KCNC2: variants seen among roughly 807,000 people sequenced by gnomAD.
The protein encoded by KCNC2 is voltage-gated potassium channel KCNC2.
In KCNC2, 21 loss-of-function variants were observed where a neutral mutation model predicts 44.5. That is an observed-to-expected ratio of 0.47 (90% CI 0.33 to 0.68). The LOEUF (loss-of-function observed/expected upper bound fraction) is 0.68. KCNC2 is among the 30% of genes least tolerant of loss of function. The pLI is 0.01. For synonymous variants in KCNC2, 391 were observed against 339.1 expected (o/e 1.15, Z -1.68); for missense variants, 589 against 826.2 (o/e 0.71, Z 3.52).
chr12:75,044,153 AC>A (rs1297591622), intron 4 of KCNC2, among the ~76,000 whole-genome samples: 1 of 152,010 alleles, frequency 6.6e-6, no homozygotes, highest in Admixed American at 6.6e-5. Context: ...AATATTACAG[AC>A]AGTTAAACGA....
intron 2 of KCNC2, among the ~76,000 whole-genome samples, chr12:75,110,494 CA>C (rs1887143895): frequency 6.6e-6 from 1 of 152,050 alleles, no homozygotes; most frequent in Admixed American, 6.6e-5. Flanking sequence ...CTGAGAATAT[CA>C]ACCACATGTT....
At chr12:75,183,243 C>A (rs1179765693) in intron 2 of KCNC2, among the ~76,000 whole-genome samples, 1 of 151,876 alleles carries the variant, frequency 6.6e-6, no homozygotes, top group African/African-American at 2.4e-5. Context: ...AATTTTGTTG[C>A]CCCCCAAGCT....
intron 2 of KCNC2, among the ~76,000 whole-genome samples, chr12:75,133,274 A>G (rs1888982533): frequency 1.3e-5 from 2 of 152,128 alleles, no homozygotes; most frequent in South Asian, 2.1e-4. Context: ...CAAAATAGCT[A>G]AAAGATTTGG....
At chr12:75,143,224 G>A (rs995319151) in intron 2 of KCNC2, among the ~76,000 whole-genome samples, 7 of 152,142 alleles carry the variant, frequency 4.6e-5, no homozygotes, top group Non-Finnish European at 7.4e-5. Flanking sequence ...ACGAAGTGAG[G>A]GAGTTGACCT....
intron 2 of KCNC2, among the ~76,000 whole-genome samples, chr12:75,138,952 G>A (rs1250243896): frequency 7.7e-6 from 1 of 129,682 alleles, no homozygotes; most frequent in African/African-American, 3.1e-5. Flanking sequence ...CTGCACTCCT[G>A]CCTGGGCCAC....
chr12:75,137,928 G>T (rs1272593268), intron 2 of KCNC2, among the ~76,000 whole-genome samples: 3 of 152,110 alleles, frequency 2.0e-5, no homozygotes, highest in African/African-American at 7.2e-5. Flanking sequence ...ATACAGCATT[G>T]AGTTCATTTC....
chr12:75,065,847 T>C (rs7965363), intron 2 of KCNC2, among the ~76,000 whole-genome samples: 24,556 of 152,100 alleles, frequency 0.16, 2,187 homozygotes, highest in Middle Eastern at 0.26. Flanking sequence ...CAGTTATTAT[T>C]AGTTTTCTCT....
At chr12:75,105,303 C>T (rs1176694134) in intron 2 of KCNC2, among the ~76,000 whole-genome samples, 1 of 152,092 alleles carries the variant, frequency 6.6e-6, no homozygotes, top group African/African-American at 2.4e-5. Context: ...ATGCTTAACT[C>T]ATGAATTACA....
chr12:75,092,188 C>T (rs567156126), intron 2 of KCNC2, among the ~76,000 whole-genome samples: 48 of 151,680 alleles, frequency 3.2e-4, no homozygotes, highest in African/African-American at 1.1e-3. Context: ...AATTTAAGAA[C>T]ACTGCACTTA....
chr12:75,194,337 T>C (rs891101675), intron 2 of KCNC2, among the ~76,000 whole-genome samples: 1 of 152,094 alleles, frequency 6.6e-6, no homozygotes, highest in African/African-American at 2.4e-5. Context: ...AAGATGGAGA[T>C]GCATCTACAG....
At chr12:75,151,988 T>A (rs1890435459) in intron 2 of KCNC2, among the ~76,000 whole-genome samples, 1 of 146,312 alleles carries the variant, frequency 6.8e-6, no homozygotes, top group Non-Finnish European at 1.5e-5. Context: ...TATTATATAT[T>A]ATATATATTA....
At chr12:75,114,686 C>T (rs1887513355) in intron 2 of KCNC2, among the ~76,000 whole-genome samples, 1 of 152,072 alleles carries the variant, frequency 6.6e-6, no homozygotes, top group African/African-American at 2.4e-5. Context: ...CACACATGTG[C>T]AAAGGACCTG....
At chr12:75,078,948 C>G (rs1884239395) in intron 2 of KCNC2, among the ~76,000 whole-genome samples, 3 of 152,074 alleles carry the variant, frequency 2.0e-5, no homozygotes, top group Admixed American at 6.6e-5. Flanking sequence ...CTGTACCTGA[C>G]TTTAAGGTAA....
At chr12:75,204,466 T>A (rs2031528473) in intron 2 of KCNC2, among the ~76,000 whole-genome samples, 1 of 152,022 alleles carries the variant, frequency 6.6e-6, no homozygotes, top group African/African-American at 2.4e-5. Context: ...AAAAGAAAAT[T>A]GTGAAACAGG....
At chr12:75,140,114 C>G (rs1273538649) in intron 2 of KCNC2, 5 of 152,194 alleles carry the variant, frequency 3.3e-5, no homozygotes, top group Non-Finnish European at 7.3e-5. Flanking sequence ...TGAGAGGGAT[C>G]TACTGGGCTT....
intron 2 of KCNC2, among the ~76,000 whole-genome samples, chr12:75,071,461 G>A (rs1883392795): frequency 6.6e-6 from 1 of 152,122 alleles, no homozygotes; most frequent in Admixed American, 6.5e-5. Context: ...AAATGGTTGT[G>A]TACAGCTTAT....
At chr12:75,146,352 A>G (rs1393321939) in intron 2 of KCNC2, among the ~76,000 whole-genome samples, 2 of 152,200 alleles carry the variant, frequency 1.3e-5, no homozygotes, top group Non-Finnish European at 2.9e-5. Flanking sequence ...AAGAGATACA[A>G]TATGTATTAC....
intron 2 of KCNC2, among the ~76,000 whole-genome samples, chr12:75,100,335 T>C (rs1886275526): frequency 2.6e-5 from 4 of 152,068 alleles, no homozygotes; most frequent in African/African-American, 9.7e-5. Flanking sequence ...TATATGAAAA[T>C]AATACTAAAT....
rs1171302160 is a variant in KCNC2 at position 75,206,493 on chromosome 12, G to A, written c.687+804C>T. On this transcript the variant is annotated intron_variant, in intron 2 of 4. Coordinates refer to ENST00000549446, the MANE Select transcript of KCNC2 (RefSeq NM_139137.4). ...GAACCCGAAAAAGAACACTGAGGCTGAAATCACAATATTAAAAGTAAAATA... is the reference window on the plus strand; with the variant it reads ...GAACCCGAAAAAGAACACTGAGGCTAAAATCACAATATTAAAAGTAAAATA... 3.9e-5 allele frequency among the ~76,000 whole-genome samples: 6 copies of A among 152,268 alleles called. No homozygotes were observed. In the East Asian group the frequency reaches 1.2e-3, roughly 29 times the overall value.
Sources: allele counts gnomAD v4.1 joint callset (sites outside exome capture counted in the v4.1 genomes callset), GRCh38; gene constraint gnomAD v4.1.1; transcripts MANE v1.5; gene names NCBI Gene and HGNC (gene_info 2026-07-23, HGNC 2026-07-21).